Variants in PTPRR observed in about 807,000 individuals in gnomAD.
PTPRR encodes protein tyrosine phosphatase receptor type R.
Under a neutral mutation model 77.2 loss-of-function variants are expected in PTPRR, and 38 were observed. The ratio of observed to expected loss-of-function variants is 0.49; its 90% CI spans 0.38 to 0.65. PTPRR has a LOEUF of 0.65. Ranked by LOEUF, PTPRR falls within the 30% of genes least tolerant of loss-of-function variation. The probability of loss-of-function intolerance (pLI) is 0.00; values close to 1 mark genes in which losing one functional copy is unlikely to be tolerated. For synonymous variants in PTPRR, 299 were observed against 283.1 expected, an observed-to-expected ratio of 1.06 and a Z score of -0.57; for missense variants, 744 against 799.2, an observed-to-expected ratio of 0.93 and a Z score of 0.83.
chr12:70,760,632 A>T (rs536663357), intron 4 of PTPRR, among the ~76,000 whole-genome samples: 7 of 152,290 alleles, frequency 4.6e-5, no homozygotes, highest in Admixed American at 2.6e-4. Flanking sequence ...TGCCTCTATA[A>T]GAGAGAAAAA....
intron 2 of PTPRR, among the ~76,000 whole-genome samples, chr12:70,810,111 T>C (rs1276701451): frequency 6.6e-6 from 1 of 152,206 alleles, no homozygotes; most frequent in Non-Finnish European, 1.5e-5. Context: ...TATTTATCAC[T>C]CCTCATTTGG....
chr12:70,914,399 A>G (rs1360212811), intron 1 of PTPRR, among the ~76,000 whole-genome samples: 1 of 152,212 alleles, frequency 6.6e-6, no homozygotes, highest in Non-Finnish European at 1.5e-5. Flanking sequence ...ATTATAAAGA[A>G]TAAATTTGAT....
rs148854801 is a variant in PTPRR at position 70,676,208 on chromosome 12, G to T, written c.1497+7919C>A. ...TTTTTTTGTCATTTTGATCTTCTAGGTATTTTCCTTAGCTTTATATTTGAA... is the reference window on the plus strand; with the variant it reads ...TTTTTTTGTCATTTTGATCTTCTAGTTATTTTCCTTAGCTTTATATTTGAA... On this transcript the variant is annotated intron_variant, in intron 10 of 13. Transcript: ENST00000283228. 6.1e-3 allele frequency among the ~76,000 whole-genome samples: 927 copies of T among 151,058 alleles called. 4 individuals are homozygous for T. Among genetic ancestry groups the T allele is most frequent in the Non-Finnish European group, 9.6e-3 (648 of 67,596 alleles).
chr12:70,771,032 T>A (rs1435862462), intron 2 of PTPRR, among the ~76,000 whole-genome samples: 2 of 150,102 alleles, frequency 1.3e-5, no homozygotes, highest in Admixed American at 6.7e-5. Flanking sequence ...GAGGTATAGT[T>A]TTAGGAGATA....
chr12:70,646,317 A>T (rs568149811), intron 13 of PTPRR, among the ~76,000 whole-genome samples: 37 of 152,306 alleles, frequency 2.4e-4, no homozygotes, highest in African/African-American at 8.7e-4. Flanking sequence ...GGAGAACTTA[A>T]ATGTAAATTT....
At chr12:70,863,331 A>C (rs1454011286) in intron 2 of PTPRR, among the ~76,000 whole-genome samples, 2 of 152,134 alleles carry the variant, frequency 1.3e-5, no homozygotes, top group Non-Finnish European at 2.9e-5. Context: ...TTTTTTCAAC[A>C]ATCTATTCAC....
At chr12:70,765,291 C>T (rs150126452) in intron 2 of PTPRR, among the ~76,000 whole-genome samples, 1 of 152,146 alleles carries the variant, frequency 6.6e-6, no homozygotes, top group East Asian at 1.9e-4. Context: ...CCTGGAAAAT[C>T]GGGTCACTCC....
At chr12:70,754,400 G>C (rs1890502791) in intron 4 of PTPRR, 99 bp from the exon 5 acceptor site, 2 of 1,577,976 alleles carry the variant, frequency 1.3e-6, no homozygotes, top group Admixed American at 1.9e-5. Context: ...ATTCCATTCA[G>C]TGTAGTGCAA....
chr12:70,680,816 C>T (rs1887627361), intron 10 of PTPRR, among the ~76,000 whole-genome samples: 1 of 152,192 alleles, frequency 6.6e-6, no homozygotes, highest in South Asian at 2.1e-4. Context: ...ACAGGTCTGC[C>T]AGCTCAGGTT....
chr12:70,782,604 C>A (rs540408046), intron 2 of PTPRR, among the ~76,000 whole-genome samples: 3 of 152,062 alleles, frequency 2.0e-5, no homozygotes, highest in Non-Finnish European at 4.4e-5. Flanking sequence ...AAACCAAACA[C>A]CGCATGTTCT....
intron 6 of PTPRR, among the ~76,000 whole-genome samples, chr12:70,719,163 G>A (rs1316721167): frequency 6.6e-6 from 1 of 152,114 alleles, no homozygotes; most frequent in East Asian, 1.9e-4. Flanking sequence ...CTCGGGCTAA[G>A]CTTTAAGTAA....
At chr12:70,822,510 T>G (rs1034710128) in intron 2 of PTPRR, among the ~76,000 whole-genome samples, 44 of 152,332 alleles carry the variant, frequency 2.9e-4, no homozygotes, top group African/African-American at 8.9e-4. Flanking sequence ...TATTCATTTA[T>G]TCATAATTTT....
chr12:70,690,910 C>A (rs1019067040), intron 8 of PTPRR, among the ~76,000 whole-genome samples: 1 of 152,078 alleles, frequency 6.6e-6, no homozygotes, highest in African/African-American at 2.4e-5. Flanking sequence ...ACACTCTGAG[C>A]TTTTTGAAGG....
At chr12:70,705,563 G>A (rs1185048449) in intron 6 of PTPRR, among the ~76,000 whole-genome samples, 1 of 152,028 alleles carries the variant, frequency 6.6e-6, no homozygotes, top group Non-Finnish European at 1.5e-5. Flanking sequence ...CCCGGAAGAT[G>A]TACTTTTGAA....
intron 8 of PTPRR, among the ~76,000 whole-genome samples, chr12:70,695,710 T>C (rs942055250): frequency 5.3e-5 from 8 of 152,188 alleles, no homozygotes; most frequent in Admixed American, 1.3e-4. Flanking sequence ...TTATTACTTA[T>C]GTTTGGTATA....
intron 2 of PTPRR, among the ~76,000 whole-genome samples, chr12:70,814,761 G>A (rs1424611926): frequency 6.6e-6 from 1 of 152,142 alleles, no homozygotes; most frequent in African/African-American, 2.4e-5. Flanking sequence ...AGAGTAAACT[G>A]CTCTGGTTCC....
intron 2 of PTPRR, among the ~76,000 whole-genome samples, chr12:70,807,799 T>C (rs1190208844): frequency 6.6e-6 from 1 of 152,176 alleles, no homozygotes; most frequent in African/African-American, 2.4e-5. Flanking sequence ...CTTAATCCCA[T>C]CATCTTCATA....
intron 6 of PTPRR, among the ~76,000 whole-genome samples, chr12:70,710,632 G>A (rs944552105): frequency 3.9e-5 from 6 of 152,032 alleles, no homozygotes; most frequent in South Asian, 4.2e-4. Context: ...ACAGAATGGG[G>A]GAAAATTTTT....
At chr12:70,872,693 T>TC (rs1892979831) in intron 2 of PTPRR, among the ~76,000 whole-genome samples, 1 of 28,132 alleles carries the variant, frequency 3.6e-5, no homozygotes, top group Non-Finnish European at 6.1e-5. Context: ...AGACTCTGTC[T>TC]CAAAAAAAAA....
Sources: gnomAD v4.1 joint callset for allele counts (sites outside exome capture counted in the v4.1 genomes callset) on GRCh38, gnomAD v4.1.1 for gene constraint, MANE v1.5 for transcripts, NCBI Gene and HGNC (gene_info 2026-07-23, HGNC 2026-07-21) for gene names.